Variants in MED16 observed in about 807,000 individuals in gnomAD.
MED16 encodes mediator complex subunit 16, also known as mediator of RNA polymerase II transcription subunit 16.
A neutral mutation model predicts 84.4 loss-of-function variants in MED16; 81 were observed. The ratio of observed to expected loss-of-function variants is 0.96; its 90% CI spans 0.80 to 1.15. The LOEUF is 1.15. Among genes scored for constraint, MED16 ranks in the 50% most tolerant of loss-of-function variants. The pLI, the probability that MED16 is intolerant of heterozygous loss-of-function variation, is 0.00. For synonymous variants in MED16, 897 were observed against 552.2 expected (o/e 1.62, Z -8.76); for missense variants, 1,585 against 1,245.9 (o/e 1.27, Z -4.10).
At chr19:880,219 C>G (rs570922221) in intron 7 of MED16, 71 bp from the exon 8 acceptor site, 2 of 1,432,534 alleles carry the variant, frequency 1.4e-6, no homozygotes, top group Admixed American at 2.7e-5. Context: ...GGGCCTCCTG[C>G]TCTGCAGGGT....
rs2036153642 is a variant in MED16, at chr19:873,582, T to C, written c.1772A>G (p.Asp591Gly). 6.2e-7 allele frequency: 1 copy of C among 1,612,118 alleles called. No individual in the cohort carries two copies. Among genetic ancestry groups the C allele is most frequent in the Admixed American group, 1.7e-5 (1 of 59,974 alleles). ...TEICTKITDV[D>G]IDKVMINLKT... ...GAGGTTGATCATGACCTTGTCAATG[T>C]CTACAAGGAGACGTGGGTCGGGTCA... is the stretch of plus-strand genomic sequence containing the variant. The change falls in exon 11 of 16, where the codon GAC (aspartate) becomes GGC (glycine). Residue 591 changes from aspartate (D) to glycine (G), a missense_variant and splice_region_variant. Asp to Gly is a moderately conservative substitution (Grantham distance 94). Transcript: ENST00000325464.
At chr19:870,201 G>T (rs563172680) in intron 13 of MED16, among the ~76,000 whole-genome samples, 1 of 152,168 alleles carries the variant, frequency 6.6e-6, no homozygotes, top group Non-Finnish European at 1.5e-5. Flanking sequence ...ATCCAGGGGG[G>T]CCAGAGACTA....
In MED16 at chr19:877,192, A is replaced by G; in HGVS notation, c.1354-12T>C. On this transcript the variant is annotated splice_polypyrimidine_tract_variant and intron_variant, in intron 8 of 15. Coordinates refer to ENST00000325464, the MANE Select transcript of MED16 (RefSeq NM_005481.3). The stretch of plus-strand genomic sequence containing the variant: ...CGGAGCACGCTCAGCTGCCAGAGAC[A>G]GAGCCCAAGGAGAGCCCGGTGAGAT... 6.2e-7 allele frequency: 1 copy of G among 1,602,266 alleles called. No individual in the cohort carries two copies. Among genetic ancestry groups the G allele is most frequent in the Non-Finnish European group, 8.5e-7 (1 of 1,176,360 alleles).
chr19:888,350 C>T (rs539133427), intron 4 of MED16, among the ~76,000 whole-genome samples: 129 of 151,798 alleles, frequency 8.5e-4, no homozygotes, highest in African/African-American at 2.9e-3. Context: ...GGTGAAACCC[C>T]GTCTCTACTA....
intron 2 of MED16, 119 bp downstream of exon 2, chr19:890,844 A>G (rs2965292): frequency 0.25 from 282,039 of 1,109,602 alleles, 38,762 homozygotes; most frequent in African/African-American, 0.39. Context: ...GAGGAGGGCC[A>G]GGGTGAGTGA....
At chr19:870,561 G>A (rs1353642121) in intron 13 of MED16, among the ~76,000 whole-genome samples, 4 of 125,762 alleles carry the variant, frequency 3.2e-5, no homozygotes, top group Admixed American at 7.5e-5. Context: ...ACCCTGTCGG[G>A]GAGACAAAAA....
intron 10 of MED16, among the ~76,000 whole-genome samples, chr19:874,931 G>A (rs2036193156): frequency 6.6e-6 from 1 of 152,112 alleles, no homozygotes; most frequent in Non-Finnish European, 1.5e-5. Flanking sequence ...AGGAGGCCGA[G>A]GCGGGCGGAT....
intron 5 of MED16, among the ~76,000 whole-genome samples, chr19:885,537 T>A (rs1477955794): frequency 6.6e-6 from 1 of 152,048 alleles, no homozygotes; most frequent in Non-Finnish European, 1.5e-5. Context: ...AGGAAGAGGC[T>A]GCGCTGTGGC....
At chr19:879,431 C>G (rs1468266138) in intron 8 of MED16, among the ~76,000 whole-genome samples, 1 of 140,472 alleles carries the variant, frequency 7.1e-6, no homozygotes. Context: ...CCACCAACCC[C>G]AGCCCCACGT....
At chr19:892,806 C>T (rs537467121) in intron 1 of MED16, 1 of 152,452 alleles carries the variant, frequency 6.6e-6, no homozygotes, top group African/African-American at 2.4e-5. Flanking sequence ...CCAAACTCTC[C>T]TTAGGCCCCG....
At chr19:873,330 CGG>C in intron 11 of MED16, 117 bp downstream of exon 11, 1 of 252,350 alleles carries the variant, frequency 4.0e-6, no homozygotes, top group Non-Finnish European at 5.5e-6. Context: ...CAAGTAGGGG[CGG>C]GACTCCAACT....
chr19:890,477 G>A lies in MED16; in HGVS notation c.170-233C>T, dbSNP rs1287532105. 40 of 445,242 alleles carry A rather than the reference G, an allele frequency of 9.0e-5. No individual in the cohort carries two copies. In the Admixed American group the frequency reaches 1.3e-3, roughly 14 times the overall value. 27.6% of individuals were successfully genotyped at this position (445,242 alleles called of 1,614,324 possible). On this transcript the variant is annotated intron_variant, in intron 2 of 15. Transcript: ENST00000325464. ...AACCAGATTAGAAGAAAATGACTCC[G>A]AAATGTGAACAGTGGGAGCCTCTCC...
intron 10 of MED16, among the ~76,000 whole-genome samples, chr19:874,605 G>C (rs2036184867): frequency 6.6e-6 from 1 of 152,220 alleles, no homozygotes; most frequent in Non-Finnish European, 1.5e-5. Flanking sequence ...CGGGTGCCGG[G>C]TGTCGGCCTG....
intron 8 of MED16, among the ~76,000 whole-genome samples, chr19:879,681 G>A (rs1210517173): frequency 4.4e-4 from 3 of 6,752 alleles, no homozygotes; most frequent in Non-Finnish European, 8.4e-4. Context: ...ACCAGCCCCA[G>A]CCCCACGTGC....
chr19:871,635 C>T, intron 12 of MED16: 1 of 1,592,600 alleles, frequency 6.3e-7, no homozygotes, highest in Non-Finnish European at 8.5e-7. Flanking sequence ...CAAAAGCACC[C>T]ACACAGAGCA....
chr19:884,113 C>G (rs1196469795), intron 6 of MED16, among the ~76,000 whole-genome samples: 2 of 152,202 alleles, frequency 1.3e-5, no homozygotes, highest in African/African-American at 4.8e-5. Flanking sequence ...CACGTGCCCC[C>G]ACGTCTGGCC....
chr19:890,879 C>CT, intron 2 of MED16, 84 bp downstream of exon 2: 1 of 1,468,378 alleles, frequency 6.8e-7, no homozygotes, highest in Non-Finnish European at 9.2e-7. Context: ...GACCGAGTCC[C>CT]TTCAAGGCAG....
chr19:874,707 G>A lies in MED16; in HGVS notation c.1771+537C>T, dbSNP rs1308605883. Among the ~76,000 whole-genome samples, 5 of 152,008 alleles carry A rather than the reference G, an allele frequency of 3.3e-5. No individual in the cohort carries two copies. The East Asian group carries it at 9.7e-4, about 30-fold the overall frequency. On this transcript the variant is annotated intron_variant, in intron 10 of 15. Transcript: ENST00000325464. Reference sequence around the variant, plus strand: ...AGCCTGGGCAACACAGTGAGACCCTGTTGCTACAAAAAATTAAAAACCGGG... The same window carrying A: ...AGCCTGGGCAACACAGTGAGACCCTATTGCTACAAAAAATTAAAAACCGGG...
At chr19:876,440 C>A (rs1042163771) in intron 9 of MED16, among the ~76,000 whole-genome samples, 1 of 152,128 alleles carries the variant, frequency 6.6e-6, no homozygotes, top group Admixed American at 6.6e-5. Context: ...TGGTACCCAT[C>A]ACATTCTGAG....
Sources: allele counts gnomAD v4.1 joint callset (sites outside exome capture counted in the v4.1 genomes callset), GRCh38; gene constraint gnomAD v4.1.1; transcripts MANE v1.5; gene names NCBI Gene and HGNC (gene_info 2026-07-23, HGNC 2026-07-21).